The following CARMIL1 variants were observed in gnomAD, a reference collection of about 807,000 sequenced individuals.
The protein encoded by CARMIL1 is F-actin-uncapping protein LRRC16A.
In CARMIL1, 90 loss-of-function variants were observed where a neutral mutation model predicts 177.1. The ratio of observed to expected loss-of-function variants is 0.51; its 90% CI spans 0.43 to 0.61. CARMIL1 has a LOEUF of 0.61. Among genes scored for constraint, CARMIL1 ranks in the 20% least tolerant of loss-of-function variants. The pLI, the probability that CARMIL1 is intolerant of heterozygous loss-of-function variation, is 0.00. For synonymous variants in CARMIL1, 577 were observed against 606.2 expected (o/e 0.95, Z 0.71); for missense variants, 1,380 against 1,667.0 (o/e 0.83, Z 3.00).
rs1582386008 is a variant in CARMIL1 at position 25,566,678 on chromosome 6, A to G, written c.2742+9828A>G. Among the ~76,000 whole-genome samples, 3 of 152,226 alleles carry G rather than the reference A, an allele frequency of 2.0e-5. No individual in the cohort carries two copies. The South Asian group carries it at 6.2e-4, about 31-fold the overall frequency. ...GTGCTGTTGACCACATATCCCCAGTATCTAGAGCAGTGCCTGGCACAAAAT... is the reference window on the plus strand; with the variant it reads ...GTGCTGTTGACCACATATCCCCAGTGTCTAGAGCAGTGCCTGGCACAAAAT... On this transcript the variant is annotated intron_variant, in intron 29 of 36. Transcript: ENST00000329474.
At chr6:25,613,911 C>T (rs1192008404) in intron 36 of CARMIL1, among the ~76,000 whole-genome samples, 1 of 152,166 alleles carries the variant, frequency 6.6e-6, no homozygotes, top group African/African-American at 2.4e-5. Flanking sequence ...CACTGCCTCC[C>T]AAGAAAGCAT....
chr6:25,442,420 G>T (rs530443670), intron 5 of CARMIL1, among the ~76,000 whole-genome samples: 50 of 151,556 alleles, frequency 3.3e-4, no homozygotes, highest in Non-Finnish European at 5.6e-4. Flanking sequence ...GGTACTTATT[G>T]GACAACAAAT....
intron 31 of CARMIL1, among the ~76,000 whole-genome samples, chr6:25,590,066 A>G (rs1582458918): frequency 1.3e-5 from 2 of 152,356 alleles, no homozygotes; most frequent in East Asian, 3.9e-4. Context: ...CTAGGAAGAT[A>G]AATAGCCAGT....
intron 5 of CARMIL1, among the ~76,000 whole-genome samples, chr6:25,444,045 C>T (rs1797996069): frequency 6.6e-6 from 1 of 152,104 alleles, no homozygotes; most frequent in African/African-American, 2.4e-5. Context: ...TCAGGTGATC[C>T]GCCTGCCTCA....
intron 28 of CARMIL1, among the ~76,000 whole-genome samples, chr6:25,556,085 A>G (rs1011716679): frequency 1.3e-5 from 2 of 152,218 alleles, no homozygotes; most frequent in Admixed American, 6.6e-5. Context: ...TTAAGTTTGT[A>G]AACGTTCTCA....
At chr6:25,587,292 T>C (rs1562314414) in intron 31 of CARMIL1, among the ~76,000 whole-genome samples, 1 of 152,172 alleles carries the variant, frequency 6.6e-6, no homozygotes, top group African/African-American at 2.4e-5. Context: ...TTCTTAAAAA[T>C]TACATTATAG....
chr6:25,567,358 C>G (rs1402010833), intron 29 of CARMIL1, among the ~76,000 whole-genome samples: 4 of 152,156 alleles, frequency 2.6e-5, no homozygotes, highest in Non-Finnish European at 5.9e-5. Flanking sequence ...GAGATACTAA[C>G]CTATGGTAGC....
chr6:25,467,254 A>G (rs907545215), intron 9 of CARMIL1, among the ~76,000 whole-genome samples: 41 of 152,162 alleles, frequency 2.7e-4, no homozygotes, highest in African/African-American at 9.9e-4. Context: ...ATTATGGGAG[A>G]CCTAAGAATA....
intron 29 of CARMIL1, among the ~76,000 whole-genome samples, chr6:25,568,300 T>C (rs569028067): frequency 2.6e-5 from 4 of 152,306 alleles, no homozygotes; most frequent in African/African-American, 9.6e-5. Flanking sequence ...TAATAATTAA[T>C]AGAAATTAAA....
chr6:25,469,523 A>G (rs1226393696), intron 9 of CARMIL1, among the ~76,000 whole-genome samples: 1 of 152,140 alleles, frequency 6.6e-6, no homozygotes, highest in African/African-American at 2.4e-5. Flanking sequence ...GGAGAATTTT[A>G]AAATCACTTT....
intron 8 of CARMIL1, among the ~76,000 whole-genome samples, chr6:25,450,912 T>TTCTCTTCGCC (rs1360499424): frequency 4.8e-4 from 7 of 14,466 alleles, no homozygotes; most frequent in African/African-American, 1.8e-3. Flanking sequence ...TTTCTTTTCC[T>TTCTCTTCGCC]TCTCCTCTCC....
intron 24 of CARMIL1, among the ~76,000 whole-genome samples, chr6:25,529,672 C>T (rs551561394): frequency 3.2e-5 from 3 of 92,648 alleles, no homozygotes; most frequent in South Asian, 3.8e-4. Context: ...GGCGTGAACC[C>T]GGGAAGCGGA....
At chr6:25,529,761 A>C (rs1426896973) in intron 24 of CARMIL1, among the ~76,000 whole-genome samples, 1 of 86,302 alleles carries the variant, frequency 1.2e-5, no homozygotes, top group Non-Finnish European at 2.3e-5. Flanking sequence ...TCTCCAAAAA[A>C]AAAAAAAAAA....
At chr6:25,362,927 C>T (rs1218207370) in intron 2 of CARMIL1, among the ~76,000 whole-genome samples, 1 of 152,148 alleles carries the variant, frequency 6.6e-6, no homozygotes, top group Non-Finnish European at 1.5e-5. Context: ...CCCAGCTACT[C>T]TGGGGGCTGA....
At chr6:25,304,290 G>A (rs115452924) in intron 2 of CARMIL1, among the ~76,000 whole-genome samples, 1,757 of 152,332 alleles carry the variant, frequency 0.012, 20 homozygotes, top group Middle Eastern at 0.031. Flanking sequence ...GGGGATAGAG[G>A]ATGGGGAATT....
intron 2 of CARMIL1, among the ~76,000 whole-genome samples, chr6:25,407,615 C>A (rs1268771705): frequency 6.6e-6 from 1 of 152,146 alleles, no homozygotes; most frequent in African/African-American, 2.4e-5. Context: ...CTGTGCTTGG[C>A]AGCTACCACT....
In CARMIL1 at chr6:25,510,541, G is replaced by A; in HGVS notation, c.1512G>A (p.Trp504Ter). Reference protein sequence around the residue: ...LESDLSTLIVWLSKNRSIQHL... With the variant: ...LESDLSTLIV ...CTGACCTATCTACCTTAATAGTGTG[G>A]CTCAGTAAAAACAGATCAATACAAC... The change falls in exon 19 of 37, where the codon TGG (tryptophan) becomes TGA (stop). Residue 504 changes from tryptophan to a stop codon, truncating the protein, a stop_gained. Coordinates refer to ENST00000329474, the MANE Select transcript of CARMIL1 (RefSeq NM_017640.6). LOFTEE classifies it high-confidence loss of function. 1 of 1,557,712 alleles carries A rather than the reference G, an allele frequency of 6.4e-7. No individual in the cohort carries two copies. The highest frequency in any genetic ancestry group is 8.7e-7 in the Non-Finnish European group (1 of 1,149,370).
chr6:25,517,455 A>G (rs1562240759), intron 22 of CARMIL1, 40 bp downstream of exon 22: 2 of 1,505,240 alleles, frequency 1.3e-6, no homozygotes, highest in Non-Finnish European at 1.8e-6. Context: ...AAAATAAAAA[A>G]ACAAAAACCA....
At chr6:25,600,996 A>G (rs1441698846) in intron 33 of CARMIL1, among the ~76,000 whole-genome samples, 4 of 151,864 alleles carry the variant, frequency 2.6e-5, no homozygotes, top group Non-Finnish European at 5.9e-5. Context: ...TGTTTTTTGT[A>G]CCCATTTTGT....
Sources: gnomAD v4.1 joint callset for allele counts (sites outside exome capture counted in the v4.1 genomes callset) on GRCh38, gnomAD v4.1.1 for gene constraint, MANE v1.5 for transcripts, NCBI Gene and HGNC (gene_info 2026-07-23, HGNC 2026-07-21) for gene names.